Variants in SUPT6H observed in about 807,000 individuals in gnomAD.
SUPT6H encodes the protein SPT6 homolog, histone chaperone and transcription elongation factor, also known as transcription elongation factor SPT6.
A neutral mutation model predicts 222.3 loss-of-function variants in SUPT6H; 11 were observed. That is an observed-to-expected ratio of 0.05 (90% CI 0.03 to 0.08). The LOEUF is 0.08. SUPT6H is among the 10% of genes least tolerant of loss of function. SUPT6H has a pLI of 1.00. For missense variants in SUPT6H, 1,422 were observed against 2,216.0 expected (o/e 0.64, Z 7.19); for synonymous variants, 762 against 801.2 (o/e 0.95, Z 0.83).
intron 4 of SUPT6H, 100 bp downstream of exon 4, chr17:28,674,713 G>A: frequency 8.9e-7 from 1 of 1,126,416 alleles, no homozygotes; most frequent in Non-Finnish European, 1.4e-6. Context: ...ACAGTTTGGA[G>A]AACATTAGAG....
chr17:28,668,635 G>T (rs1014324120), intron 1 of SUPT6H, among the ~76,000 whole-genome samples: 3 of 152,182 alleles, frequency 2.0e-5, no homozygotes, highest in African/African-American at 7.2e-5. Flanking sequence ...CATCAGGTAG[G>T]CTGTGTGTTT....
rs895308484 is a variant in SUPT6H at position 28,678,626 on chromosome 17, G to A, written c.1198G>A (p.Asp400Asn). The A allele has an allele frequency of 1.9e-6, 3 of 1,614,020 alleles. No homozygotes were observed. Among genetic ancestry groups the A allele is most frequent in the African/African-American group, 2.7e-5 (2 of 74,924 alleles). ...TGACCTATGGAGAGTCTGGCAGTGGGATGAAAAGGTAATGTAGATCCGTGG... is the reference window on the plus strand; with the variant it reads ...TGACCTATGGAGAGTCTGGCAGTGGAATGAAAAGGTAATGTAGATCCGTGG... Reference protein sequence around the residue: ...INDLWRVWQWDEKWTQLRIRK... With the variant: ...INDLWRVWQWNEKWTQLRIRK... The change falls in exon 10 of 37, where the codon GAT becomes AAT. Residue 400 changes from aspartate to asparagine, a missense_variant. Coordinates refer to ENST00000314616, the MANE Select transcript of SUPT6H (RefSeq NM_003170.5).
chr17:28,684,767 T>A (rs2031297226), intron 18 of SUPT6H, 42 bp downstream of exon 18: 1 of 1,612,952 alleles, frequency 6.2e-7, no homozygotes, highest in Non-Finnish European at 8.5e-7. Context: ...TCTCTTGTCT[T>A]CCTAATTTCA....
Position 28,677,836 on chromosome 17 carries a change from A to G in SUPT6H, c.999+20A>G. 9 of 1,606,076 alleles carry G rather than the reference A, an allele frequency of 5.6e-6. No individual in the cohort carries two copies. The highest frequency in any genetic ancestry group is 7.7e-6 in the Non-Finnish European group (9 of 1,173,004). On this transcript the variant is annotated intron_variant, in intron 8 of 36. Coordinates refer to ENST00000314616, the MANE Select transcript of SUPT6H (RefSeq NM_003170.5). ...CTCCAGGTACACAAAAAAGATCCTT[A>G]GGTTTTGACATGAACCAAAAGACAC...
Position 28,684,964 on chromosome 17 carries a change from A to G in SUPT6H, c.2487+3A>G, listed in dbSNP as rs897893890. On this transcript the variant is annotated splice_donor_region_variant and intron_variant, in intron 19 of 36. Transcript: ENST00000314616. ...GAGAGGAAGAGCGGGAAAAGAAGGCAAGTGGCTAGGACGAGGATACTAAGT... is the reference window on the plus strand; with the variant it reads ...GAGAGGAAGAGCGGGAAAAGAAGGCGAGTGGCTAGGACGAGGATACTAAGT... 1 of 1,613,230 alleles carries G rather than the reference A, an allele frequency of 6.2e-7. No individual in the cohort carries two copies. The highest frequency in any genetic ancestry group is 1.3e-5 in the African/African-American group (1 of 75,030).
chr17:28,683,897 G>T, intron 17 of SUPT6H, 81 bp downstream of exon 17: 1 of 1,314,684 alleles, frequency 7.6e-7, no homozygotes, highest in Non-Finnish European at 1.0e-6. Context: ...GTGCAGTGGC[G>T]CAATCTTGGC....
intron 27 of SUPT6H, among the ~76,000 whole-genome samples, chr17:28,692,436 C>T (rs2031708827): frequency 6.8e-6 from 1 of 146,948 alleles, no homozygotes; most frequent in South Asian, 2.3e-4. Context: ...AGTTCCAGAC[C>T]AGCCTGACCA....
intron 1 of SUPT6H, among the ~76,000 whole-genome samples, chr17:28,664,422 C>G (rs556970185): frequency 2.0e-5 from 3 of 152,368 alleles, no homozygotes; most frequent in African/African-American, 7.2e-5. Context: ...AGGAGAATCA[C>G]TTGAACCAGG....
chr17:28,667,405 G>GTGTATATATATATATA (rs1465539733), intron 1 of SUPT6H, among the ~76,000 whole-genome samples: 1 of 49,302 alleles, frequency 2.0e-5, no homozygotes, highest in Non-Finnish European at 3.4e-5. Flanking sequence ...GTGTGTGTGT[G>GTGTATATATATATATA]TATATATATA....
In SUPT6H at chr17:28,681,896, G is replaced by A; in HGVS notation, c.1513G>A (p.Ala505Thr). 6.2e-7 allele frequency: 1 copy of A among 1,609,440 alleles called. No individual in the cohort carries two copies. Among genetic ancestry groups the A allele is most frequent in the Non-Finnish European group, 8.5e-7 (1 of 1,178,754 alleles). Residue 505 changes from alanine (A) to threonine (T), a missense_variant, in exon 13 of 37, where the codon GCA becomes ACA. This residue lies in a region of SUPT6H where 389 missense variants were observed against 544.6 expected (regional missense o/e 0.71). Transcript: ENST00000314616. The part of the protein sequence containing the change: ...EGDEEGEGDE[A>T]EDEEQRGPEL... ...TTTCTTCCCAGGTGAAGGTGACGAG[G>A]CAGAAGATGAGGAGCAGAGGGGGCC...
At chr17:28,700,052 C>A in intron 33 of SUPT6H, 121 bp from the exon 34 acceptor site, 3 of 1,472,046 alleles carry the variant, frequency 2.0e-6, no homozygotes, top group South Asian at 1.2e-5. Context: ...GTTCTCCATC[C>A]ACTGTGCCTA....
chr17:28,687,944 A>ATT, intron 23 of SUPT6H, 147 bp from the exon 24 acceptor site: 1 of 727,220 alleles, frequency 1.4e-6, no homozygotes, highest in Non-Finnish European at 1.9e-6. Context: ...TTTTTTTTTA[A>ATT]TTTTGAGTGG....
chr17:28,694,680 C>T (rs944512288), intron 28 of SUPT6H, among the ~76,000 whole-genome samples: 10 of 152,152 alleles, frequency 6.6e-5, no homozygotes, highest in Non-Finnish European at 1.0e-4. Flanking sequence ...ATACAGAAAA[C>T]AGCTATTATT....
In SUPT6H at chr17:28,676,196, T is replaced by C. The variant is rs377201682; in HGVS notation, c.663T>C (p.Phe221=). 5.7e-5 allele frequency: 92 copies of C among 1,609,070 alleles called. No individual in the cohort carries two copies. The highest frequency in any genetic ancestry group is 1.7e-4 in the Middle Eastern group (1 of 6,042). Residue 221 remains phenylalanine, a synonymous_variant, in exon 7 of 37, where the codon TTT becomes TTC. Transcript: ENST00000314616. ...QEAQEIFGVD[F]DYDEFEKYNE... ...CCCAGGAAATCTTCGGTGTGGACTT[T>C]GACTATGATGAATTTGAGAAATACA...
At chr17:28,681,536 A>G in intron 12 of SUPT6H, 132 bp downstream of exon 12, 1 of 1,153,182 alleles carries the variant, frequency 8.7e-7, no homozygotes, top group South Asian at 1.6e-5. Flanking sequence ...AGCCTGGCCA[A>G]CATGGCAAAA....
chr17:28,667,434 T>TATATAG (rs1337771722), intron 1 of SUPT6H, among the ~76,000 whole-genome samples: 1 of 135,206 alleles, frequency 7.4e-6, no homozygotes. Context: ...TATATATATA[T>TATATAG]ATGTATGTGT....
chr17:28,697,703 T>C lies in SUPT6H; in HGVS notation c.4293T>C (p.Tyr1431=). The stretch of plus-strand genomic sequence containing the variant: ...CCCGGGACCTTCTGAATCACAAGTA[T>C]TATCAGGACTGCAGCGGTGGGGACC... ...SFARDLLNHK[Y]YQDCSGGDRK... Residue 1431 remains tyrosine (Y), a synonymous_variant, in exon 31 of 37, where the codon TAT becomes TAC. Coordinates refer to ENST00000314616, the MANE Select transcript of SUPT6H (RefSeq NM_003170.5). 1 of 1,614,198 alleles carries C rather than the reference T, an allele frequency of 6.2e-7. No homozygotes were observed. Among genetic ancestry groups the C allele is most frequent in the Non-Finnish European group, 8.5e-7 (1 of 1,180,030 alleles).
At position 28,687,354 on chromosome 17, in the gene SUPT6H, C is replaced by T. The variant is rs760125441; in HGVS notation, c.2889C>T (p.Ile963=). ...ELLNALYCEF[I]NRVNEVGVDV... ...TCAACGCCTTGTACTGTGAATTTAT[C>T]AACCGAGTCAATGAGGTCGGGGTCG... Residue 963 remains isoleucine (I), a synonymous_variant, in exon 23 of 37, where the codon ATC becomes ATT. Transcript: ENST00000314616. The T allele has an allele frequency of 6.2e-7, 1 of 1,614,156 alleles. No individual in the cohort carries two copies.
At position 28,683,087 on chromosome 17, in the gene SUPT6H, A is replaced by G. The variant is rs1486091899; in HGVS notation, c.1873A>G (p.Arg625Gly). ...AAATATAACCCCCACCAAGAAAGGT[A>G]GAAAGGTGAGCTGGGTGAAGGGCTT... ...KLNITPTKKG[R>G]KDVDEAHYAY... is the part of the protein sequence containing the mutation. Residue 625 changes from arginine to glycine, a missense_variant, in exon 15 of 37, where the codon AGA (arginine) becomes GGA (glycine). Arg to Gly is a moderately radical substitution (Grantham distance 125, BLOSUM62 -2). Transcript: ENST00000314616. The G allele has an allele frequency of 1.9e-6, 3 of 1,598,036 alleles. No individual in the cohort carries two copies. In the African/African-American group the frequency reaches 4.1e-5, roughly 22 times the overall value.
Sources: allele counts gnomAD v4.1 joint callset (sites outside exome capture counted in the v4.1 genomes callset), GRCh38; gene constraint gnomAD v4.1.1; regional missense constraint gnomAD v4.1.1; transcripts MANE v1.5; gene names NCBI Gene and HGNC (gene_info 2026-07-23, HGNC 2026-07-21).